PCNX1: variants seen among roughly 807,000 people sequenced by gnomAD.
PCNX1 encodes the protein pecanex-like protein 1.
A neutral mutation model predicts 242.2 loss-of-function variants in PCNX1; 78 were observed. That is an observed-to-expected ratio of 0.32 (90% CI 0.27 to 0.39). PCNX1 has a LOEUF of 0.39. Ranked by LOEUF, PCNX1 falls within the 10% of genes least tolerant of loss-of-function variation. The pLI, the probability that PCNX1 is intolerant of heterozygous loss-of-function variation, is 1.00. For synonymous variants in PCNX1, 1,024 were observed against 1,032.9 expected (o/e 0.99, Z 0.17); for missense variants, 2,581 against 2,856.5 (o/e 0.90, Z 2.20).
intron 8 of PCNX1, among the ~76,000 whole-genome samples, chr14:70,998,349 G>A (rs1217923474): frequency 6.6e-6 from 1 of 152,096 alleles, no homozygotes; most frequent in African/African-American, 2.4e-5. Context: ...GATTTTATTA[G>A]TAGCTTATTA....
At chr14:71,055,375 T>C in intron 24 of PCNX1, 129 bp from the exon 25 acceptor site, 1 of 601,056 alleles carries the variant, frequency 1.7e-6, no homozygotes, top group East Asian at 2.8e-5. Flanking sequence ...TAATCACAGA[T>C]TTTTTCCAGA....
At chr14:71,069,750 G>A (rs897820479) in intron 26 of PCNX1, among the ~76,000 whole-genome samples, 8 of 152,328 alleles carry the variant, frequency 5.3e-5, no homozygotes, top group Admixed American at 5.2e-4. Context: ...CCTTCAGTGA[G>A]TTGTAATCTT....
intron 28 of PCNX1, among the ~76,000 whole-genome samples, chr14:71,082,659 A>G (rs934318254): frequency 6.6e-6 from 1 of 152,082 alleles, no homozygotes; most frequent in Non-Finnish European, 1.5e-5. Context: ...ATCAGAGACT[A>G]GGATTGCAAC....
At chr14:70,948,943 A>T (rs1159117224) in intron 2 of PCNX1, among the ~76,000 whole-genome samples, 1 of 144,124 alleles carries the variant, frequency 6.9e-6, no homozygotes, top group Non-Finnish European at 1.5e-5. Context: ...ATATATGTAC[A>T]TATACACATA....
intron 1 of PCNX1, among the ~76,000 whole-genome samples, chr14:70,919,639 T>C (rs2056289919): frequency 7.3e-6 from 1 of 137,560 alleles, no homozygotes; most frequent in Non-Finnish European, 1.5e-5. Flanking sequence ...TAAATCCATA[T>C]AGATGAACTT....
At chr14:71,050,411 T>A (rs2060993792) in intron 22 of PCNX1, among the ~76,000 whole-genome samples, 1 of 152,176 alleles carries the variant, frequency 6.6e-6, no homozygotes, top group Non-Finnish European at 1.5e-5. Context: ...TTTAAACAGA[T>A]GAAACATAAA....
chr14:71,000,241 A>C lies in PCNX1; in HGVS notation c.2629+4316A>C, dbSNP rs138135061. ...CTATATTCTACTTCGTTTTGGTAAA[A>C]GTAGAATGTGCTTTTCCCATCCTTA... On this transcript the variant is annotated intron_variant, in intron 8 of 35. Coordinates refer to ENST00000304743, the MANE Select transcript of PCNX1 (RefSeq NM_014982.3). 7.4e-4 allele frequency among the ~76,000 whole-genome samples: 113 copies of C among 152,298 alleles called. 1 individual carries two copies. The East Asian group carries it at 0.016, about 22-fold the overall frequency.
At chr14:71,005,793 T>G (rs1282827027) in intron 8 of PCNX1, among the ~76,000 whole-genome samples, 1 of 152,222 alleles carries the variant, frequency 6.6e-6, no homozygotes, top group Admixed American at 6.5e-5. Context: ...ACTTATTCAT[T>G]GACCTATAGT....
intron 12 of PCNX1, among the ~76,000 whole-genome samples, chr14:71,020,206 A>C (rs1250963290): frequency 6.6e-6 from 1 of 152,166 alleles, no homozygotes; most frequent in Non-Finnish European, 1.5e-5. Flanking sequence ...GGTTGGTTCC[A>C]AGTCTTTGCT....
At chr14:70,909,820 C>T (rs908287351) in intron 1 of PCNX1, among the ~76,000 whole-genome samples, 2 of 151,966 alleles carry the variant, frequency 1.3e-5, no homozygotes, top group Admixed American at 1.3e-4. Flanking sequence ...AATGGCAGTC[C>T]CACTCTTCCC....
At chr14:71,030,323 G>A (rs1337043398) in intron 16 of PCNX1, among the ~76,000 whole-genome samples, 1 of 152,046 alleles carries the variant, frequency 6.6e-6, no homozygotes, top group African/African-American at 2.4e-5. Context: ...AAAGTTGGAG[G>A]CTTGACTTCC....
chr14:70,921,964 G>A lies in PCNX1; in HGVS notation c.153+13961G>A, dbSNP rs76299304. On this transcript the variant is annotated intron_variant, in intron 1 of 35. Coordinates refer to ENST00000304743, the MANE Select transcript of PCNX1 (RefSeq NM_014982.3). The stretch of plus-strand genomic sequence containing the variant: ...TTTCAAAATATATGTCGGGATAGGT[G>A]ATTCTGATGGCCATTCCAAGTTAAC... 2.3e-3 allele frequency among the ~76,000 whole-genome samples: 343 copies of A among 152,288 alleles called. 1 individual carries two copies. Among genetic ancestry groups the A allele is most frequent in the African/African-American group, 7.9e-3 (330 of 41,554 alleles).
intron 26 of PCNX1, among the ~76,000 whole-genome samples, chr14:71,069,149 GACTT>G (rs1317082917): frequency 1.3e-5 from 2 of 152,048 alleles, no homozygotes; most frequent in South Asian, 2.1e-4. Context: ...GATCTCTTGA[GACTT>G]ACTTACTACC....
At chr14:70,976,608 T>C (rs1441397828) in intron 5 of PCNX1, among the ~76,000 whole-genome samples, 2 of 152,004 alleles carry the variant, frequency 1.3e-5, no homozygotes, top group Admixed American at 1.3e-4. Context: ...CTCCTGACCT[T>C]GTGATCCACC....
chr14:71,050,840 A>G, intron 23 of PCNX1, 80 bp downstream of exon 23: 3 of 1,289,348 alleles, frequency 2.3e-6, no homozygotes, highest in South Asian at 2.6e-5. Context: ...ATGACCTTTC[A>G]TGGTGTAAGT....
Position 71,086,990 on chromosome 14 carries a change from T to TA in PCNX1, c.5338-1329dup, listed in dbSNP as rs907232276. Reference sequence around the variant, plus strand: ...CATCTTGGCTGAGGTAAATCTGAATTAAAAAAAAAAATTTCTCATCACAGA... The same window carrying TA: ...CATCTTGGCTGAGGTAAATCTGAATTAAAAAAAAAAAATTTCTCATCACAGA... On this transcript the variant is annotated intron_variant, in intron 28 of 35. Coordinates refer to ENST00000304743, the MANE Select transcript of PCNX1 (RefSeq NM_014982.3). Among the ~76,000 whole-genome samples, 28 of 148,278 alleles carry TA rather than the reference T, an allele frequency of 1.9e-4. No homozygotes were observed. In the East Asian group the frequency reaches 2.3e-3, roughly 12 times the overall value.
At chr14:71,059,339 AG>A (rs2061265256) in intron 26 of PCNX1, among the ~76,000 whole-genome samples, 2 of 152,154 alleles carry the variant, frequency 1.3e-5, no homozygotes, top group Non-Finnish European at 2.9e-5. Flanking sequence ...GAACTCCTAT[AG>A]ATTTGGGTAA....
intron 16 of PCNX1, chr14:71,032,011 C>A (rs1480660233): frequency 1.1e-6 from 1 of 950,726 alleles, no homozygotes; most frequent in East Asian, 2.4e-5. Context: ...ATTCAAGACA[C>A]GGACACACAC....
At chr14:71,053,256 C>CTTTTTTTTTTTTTTTT in intron 24 of PCNX1, 1 of 450,804 alleles carries the variant, frequency 2.2e-6, no homozygotes, top group Non-Finnish European at 4.4e-6. Flanking sequence ...CCTTTATACT[C>CTTTTTTTTTTTTTTTT]TTTTTTTTTC....
Sources: gnomAD v4.1 joint callset for allele counts (sites outside exome capture counted in the v4.1 genomes callset) on GRCh38, gnomAD v4.1.1 for gene constraint, MANE v1.5 for transcripts, NCBI Gene and HGNC (gene_info 2026-07-23, HGNC 2026-07-21) for gene names.